Variants in PPP1R14C observed in about 807,000 individuals in gnomAD.
PPP1R14C encodes the protein protein phosphatase 1 regulatory inhibitor subunit 14C.
Under a neutral mutation model 20.4 loss-of-function variants are expected in PPP1R14C, and 16 were observed. That is an observed-to-expected ratio of 0.78 (90% CI 0.53 to 1.19). PPP1R14C has a LOEUF of 1.19. Ranked by LOEUF, PPP1R14C falls within the 50% of genes most tolerant of loss-of-function variation. PPP1R14C has a pLI of 0.00. For missense variants in PPP1R14C, 211 were observed against 220.1 expected (o/e 0.96, Z 0.26); for synonymous variants, 91 against 91.0 (o/e 1.00, Z 0.00).
At chr6:150,156,682 A>G (rs1777309573) in intron 1 of PPP1R14C, among the ~76,000 whole-genome samples, 1 of 152,240 alleles carries the variant, frequency 6.6e-6, no homozygotes, top group African/African-American at 2.4e-5. Flanking sequence ...ACAAGTCAAA[A>G]GAAAATGAGT....
chr6:150,217,157 A>C (rs1778104031), intron 3 of PPP1R14C, among the ~76,000 whole-genome samples: 1 of 151,590 alleles, frequency 6.6e-6, no homozygotes, highest in South Asian at 2.1e-4. Context: ...TTTTAGGTTT[A>C]TAACTGGTTT....
rs564698702 is a variant in PPP1R14C at position 150,226,056 on chromosome 6, GA to G, written c.423+9203del. Among the ~76,000 whole-genome samples the G allele has an allele frequency of 1.2e-3, 190 of 152,258 alleles. 1 individual carries two copies. Among genetic ancestry groups the G allele is most frequent in the Admixed American group, 3.3e-3 (50 of 15,290 alleles). Reference sequence around the variant, plus strand: ...CCTATATGGGCCACTGGCCAATAGGGAAAGGACTTGTGTGCCCCCATTTTGA... The same window carrying G: ...CCTATATGGGCCACTGGCCAATAGGGAAGGACTTGTGTGCCCCCATTTTGA... On this transcript the variant is annotated intron_variant, in intron 3 of 3. Transcript: ENST00000361131.
chr6:150,235,850 G>A (rs962655173), intron 3 of PPP1R14C, among the ~76,000 whole-genome samples: 6 of 152,150 alleles, frequency 3.9e-5, no homozygotes, highest in Non-Finnish European at 7.3e-5. Context: ...GAAAAGGTTC[G>A]TCGTACTCAG....
At chr6:150,172,700 T>C (rs1383333635) in intron 1 of PPP1R14C, among the ~76,000 whole-genome samples, 4 of 152,144 alleles carry the variant, frequency 2.6e-5, no homozygotes, top group Admixed American at 6.6e-5. Flanking sequence ...CTTCTCCTGG[T>C]GGGCAGAGTT....
intron 1 of PPP1R14C, among the ~76,000 whole-genome samples, chr6:150,164,228 A>G (rs1777401311): frequency 6.6e-6 from 1 of 152,136 alleles, no homozygotes; most frequent in South Asian, 2.1e-4. Context: ...AAAAACAACA[A>G]CTTTGGGTTT....
In PPP1R14C at chr6:150,249,965, T is replaced by A. The variant is rs1298388735; in HGVS notation, c.*1145T>A. The A allele has an allele frequency of 6.4e-6, 1 of 156,094 alleles. No individual in the cohort carries two copies. Among genetic ancestry groups the A allele is most frequent in the Non-Finnish European group, 1.4e-5 (1 of 70,732 alleles). The allele number at this position is 156,094 out of a possible 1,614,324, so 9.7% of individuals were successfully genotyped here. ...TTGTGTTGAGGACTCTGGGTGCTCC[T>A]GGCCCTAATTGTGCACCCTGATCCC... is the stretch of plus-strand genomic sequence containing the variant. On this transcript the variant is annotated 3_prime_UTR_variant, in exon 4 of 4. Coordinates refer to ENST00000361131, the MANE Select transcript of PPP1R14C (RefSeq NM_030949.3).
chr6:150,223,645 AG>A (rs1377297914), intron 3 of PPP1R14C, among the ~76,000 whole-genome samples: 1 of 152,132 alleles, frequency 6.6e-6, no homozygotes, highest in East Asian at 1.9e-4. Context: ...ATATAACTAT[AG>A]ATGTTAACTA....
rs553300528 is a variant in PPP1R14C at position 150,178,624 on chromosome 6, T to C, written c.306+35126T>C. Among the ~76,000 whole-genome samples, 86 of 152,374 alleles carry C rather than the reference T, an allele frequency of 5.6e-4. 2 individuals are homozygous for C. In the South Asian group the frequency reaches 0.017, roughly 30 times the overall value. ...CATAGCTCTATTTTATTTCTCCTTT[T>C]GTTTTTTGGAATCATTAAAGATAAA... On this transcript the variant is annotated intron_variant, in intron 1 of 3. Transcript: ENST00000361131.
At chr6:150,232,100 C>A (rs893560513) in intron 3 of PPP1R14C, among the ~76,000 whole-genome samples, 9 of 152,158 alleles carry the variant, frequency 5.9e-5, no homozygotes, top group Non-Finnish European at 1.2e-4. Flanking sequence ...CCTGGTATTG[C>A]TAAGTGTTAA....
chr6:150,183,294 TA>T (rs1477608979), intron 1 of PPP1R14C, among the ~76,000 whole-genome samples: 2 of 152,140 alleles, frequency 1.3e-5, no homozygotes, highest in African/African-American at 4.8e-5. Flanking sequence ...CCTGAAATTA[TA>T]AAGAGGAAAT....
chr6:150,214,180 C>T lies in PPP1R14C; in HGVS notation c.307-564C>T, dbSNP rs559641780. On this transcript the variant is annotated intron_variant, in intron 1 of 3. Coordinates refer to ENST00000361131, the MANE Select transcript of PPP1R14C (RefSeq NM_030949.3). Reference sequence around the variant, plus strand: ...AACTGGGGCTAAAGCCATACTGATGCCCCAAATCCCATGGTGGAATCAGGT... The same window carrying T: ...AACTGGGGCTAAAGCCATACTGATGTCCCAAATCCCATGGTGGAATCAGGT... Among the ~76,000 whole-genome samples the T allele has an allele frequency of 5.9e-5, 9 of 152,206 alleles. No individual in the cohort carries two copies. The South Asian group carries it at 1.0e-3, about 18-fold the overall frequency.
At chr6:150,179,605 C>G (rs924173059) in intron 1 of PPP1R14C, among the ~76,000 whole-genome samples, 1 of 151,832 alleles carries the variant, frequency 6.6e-6, no homozygotes, top group Non-Finnish European at 1.5e-5. Context: ...CCCCAAACAT[C>G]TTTCTCATGT....
intron 1 of PPP1R14C, among the ~76,000 whole-genome samples, chr6:150,178,128 A>G (rs1461208708): frequency 6.6e-6 from 1 of 152,208 alleles, no homozygotes; most frequent in East Asian, 1.9e-4. Context: ...CCTTTTGTGC[A>G]GAGCCTTGCC....
At chr6:150,220,451 A>G (rs1251897611) in intron 3 of PPP1R14C, among the ~76,000 whole-genome samples, 2 of 152,186 alleles carry the variant, frequency 1.3e-5, no homozygotes, top group African/African-American at 4.8e-5. Flanking sequence ...TTAATATAGG[A>G]AAGCGATTTT....
chr6:150,173,571 A>G (rs572512216), intron 1 of PPP1R14C, among the ~76,000 whole-genome samples: 2 of 152,248 alleles, frequency 1.3e-5, no homozygotes, highest in South Asian at 2.1e-4. Flanking sequence ...GTCTTGCACT[A>G]CTTTCCAATT....
At chr6:150,178,910 A>T (rs2114876830) in intron 1 of PPP1R14C, among the ~76,000 whole-genome samples, 1 of 152,340 alleles carries the variant, frequency 6.6e-6, no homozygotes, top group South Asian at 2.1e-4. Context: ...CAATACATGG[A>T]TGCTGGAGGT....
Position 150,185,535 on chromosome 6 carries a change from G to A in PPP1R14C, c.307-29209G>A, listed in dbSNP as rs9397725. ...ATGATGTGTGTGATTGGAAGATGCT[G>A]TGTTTCTGCCTACCCTTGGCTGCTG... is the stretch of plus-strand genomic sequence containing the variant. On this transcript the variant is annotated intron_variant, in intron 1 of 3. Coordinates refer to ENST00000361131, the MANE Select transcript of PPP1R14C (RefSeq NM_030949.3). This position sits in a 1 kb window ranked among gnomAD's most constrained non-coding sequence, Gnocchi z 4.1. Among the ~76,000 whole-genome samples the A allele has an allele frequency of 0.19, 29,549 of 152,060 alleles. 4,477 individuals are homozygous for A. The highest frequency in any genetic ancestry group is 0.42 in the African/African-American group (17,602 of 41,428).
At chr6:150,169,194 A>G (rs1777471236) in intron 1 of PPP1R14C, among the ~76,000 whole-genome samples, 1 of 152,332 alleles carries the variant, frequency 6.6e-6, no homozygotes, top group East Asian at 1.9e-4. Flanking sequence ...AAAATTATCA[A>G]TAAGATATTT....
chr6:150,174,510 C>G (rs1188382625), intron 1 of PPP1R14C, among the ~76,000 whole-genome samples: 1 of 152,002 alleles, frequency 6.6e-6, no homozygotes, highest in East Asian at 1.9e-4. Context: ...GCCACCACGC[C>G]TGGCCGTGTG....
Sources: gnomAD v4.1 joint callset for allele counts (sites outside exome capture counted in the v4.1 genomes callset) on GRCh38, gnomAD v4.1.1 for gene constraint, Gnocchi (gnomAD v3.1) non-coding constraint, MANE v1.5 for transcripts, NCBI Gene and HGNC (gene_info 2026-07-23, HGNC 2026-07-21) for gene names.